AASDHPPT: variants seen among roughly 807,000 people sequenced by gnomAD.
AASDHPPT encodes L-aminoadipate-semialdehyde dehydrogenase-phosphopantetheinyl transferase.
In AASDHPPT, 23 loss-of-function variants were observed where a neutral mutation model predicts 36.4. That is an observed-to-expected ratio of 0.63 (90% CI 0.45 to 0.89). AASDHPPT has a LOEUF of 0.89. AASDHPPT is among the 40% of genes least tolerant of loss of function. The probability of loss-of-function intolerance (pLI) is 0.00; values close to 1 mark genes in which losing one functional copy is unlikely to be tolerated. For missense variants in AASDHPPT, 377 were observed against 378.2 expected (o/e 1.00, Z 0.03); for synonymous variants, 115 against 128.0 (o/e 0.90, Z 0.68).
chr11:106,085,542 A>G (rs951561385), intron 2 of AASDHPPT, among the ~76,000 whole-genome samples: 2 of 152,252 alleles, frequency 1.3e-5, no homozygotes, highest in Admixed American at 1.3e-4. Context: ...AAACCAGAGA[A>G]TATATTGGTG....
chr11:106,095,745 T>A (rs1455693736), intron 5 of AASDHPPT: 1 of 152,218 alleles, frequency 6.6e-6, no homozygotes, highest in African/African-American at 2.4e-5. Flanking sequence ...CTCCATAGAT[T>A]ATCTTCCTTA....
Sources: gnomAD v4.1 joint callset for allele counts (sites outside exome capture counted in the v4.1 genomes callset) on GRCh38, gnomAD v4.1.1 for gene constraint, MANE v1.5 for transcripts, NCBI Gene and HGNC (gene_info 2026-07-23, HGNC 2026-07-21) for gene names.